Variants in SLC8A2 observed in about 807,000 individuals in gnomAD.
The protein encoded by SLC8A2 is solute carrier family 8 member A2.
A neutral mutation model predicts 70.2 loss-of-function variants in SLC8A2; 14 were observed. The observed-to-expected ratio is 0.20, with a 90% confidence interval of 0.13 to 0.31. The LOEUF (loss-of-function observed/expected upper bound fraction) is 0.31. SLC8A2 is among the 10% of genes least tolerant of loss of function. SLC8A2 has a pLI of 1.00. For synonymous variants in SLC8A2, 575 were observed against 594.3 expected (o/e 0.97, Z 0.47); for missense variants, 779 against 1,320.1 (o/e 0.59, Z 6.35).
chr19:47,434,973 C>T (rs981248214), intron 8 of SLC8A2, among the ~76,000 whole-genome samples: 5 of 152,136 alleles, frequency 3.3e-5, no homozygotes, highest in East Asian at 1.9e-4. Flanking sequence ...CTTTGGGAGG[C>T]GGATGTGGGC....
intron 3 of SLC8A2, among the ~76,000 whole-genome samples, chr19:47,454,788 C>T (rs1967283664): frequency 6.6e-6 from 1 of 152,076 alleles, no homozygotes; most frequent in Non-Finnish European, 1.5e-5. Context: ...AACTCAAGAT[C>T]GATGAAACAG....
intron 4 of SLC8A2, among the ~76,000 whole-genome samples, chr19:47,442,967 G>C (rs1383952150): frequency 6.6e-6 from 1 of 152,190 alleles, no homozygotes; most frequent in Admixed American, 6.5e-5. Context: ...ACAGATGTGA[G>C]CCATGGCACC....
intron 6 of SLC8A2, among the ~76,000 whole-genome samples, chr19:47,439,748 C>G (rs1007303132): frequency 6.6e-6 from 1 of 151,890 alleles, no homozygotes; most frequent in African/African-American, 2.4e-5. Flanking sequence ...ACTGCAACCT[C>G]CACTTTCCAG....
intron 1 of SLC8A2, among the ~76,000 whole-genome samples, chr19:47,467,357 G>A (rs561571631): frequency 3.3e-5 from 5 of 152,298 alleles, no homozygotes; most frequent in Non-Finnish European, 5.9e-5. Flanking sequence ...TCTCCAACTC[G>A]GCCCTTTGAA....
In SLC8A2 at chr19:47,430,508, C is replaced by T. The variant is rs1461225944; in HGVS notation, c.2390-43G>A. The T allele has an allele frequency of 6.5e-7, 1 of 1,530,428 alleles. No homozygotes were observed. Among genetic ancestry groups the T allele is most frequent in the Non-Finnish European group, 8.7e-7 (1 of 1,142,966 alleles). The allele number at this position is 1,530,428 out of a possible 1,614,324, so 94.8% of individuals were successfully genotyped here. A position where few individuals can be genotyped will look rare whatever the true frequency, so the allele number is the denominator to read the frequency against. On this transcript the variant is annotated intron_variant, in intron 9 of 9. Transcript: ENST00000236877. The surrounding 1 kb of genome is among the most constrained non-coding windows in gnomAD (Gnocchi z 5.9). Reference sequence around the variant, plus strand: ...ACAGGTCGGAGGGGCTTTGCGCCGCCACCCACAGGGGCGGGCATCCGCCTG... The same window carrying T: ...ACAGGTCGGAGGGGCTTTGCGCCGCTACCCACAGGGGCGGGCATCCGCCTG...
chr19:47,469,520 C>A (rs1437054755), intron 1 of SLC8A2, among the ~76,000 whole-genome samples: 1 of 152,218 alleles, frequency 6.6e-6, no homozygotes, highest in Non-Finnish European at 1.5e-5. Flanking sequence ...CATGTCCACC[C>A]TCCTAGCCCA....
chr19:47,467,579 C>A (rs1175477034), intron 1 of SLC8A2, among the ~76,000 whole-genome samples: 1 of 152,030 alleles, frequency 6.6e-6, no homozygotes, highest in African/African-American at 2.4e-5. Context: ...CATCTAAGAC[C>A]CTGTGCTGGG....
Position 47,468,381 on chromosome 19 carries a change from C to T in SLC8A2, c.-16-1962G>A, listed in dbSNP as rs1239889518. ...GTGCCATCACATCTCACTGCAGCCT[C>T]GACCTCCAGGGCTCAAGCGACCCTC... On this transcript the variant is annotated intron_variant, in intron 1 of 9. Transcript: ENST00000236877. The surrounding 1 kb of genome is among the most constrained non-coding windows in gnomAD (Gnocchi z 5.1). Among the ~76,000 whole-genome samples, 3 of 152,190 alleles carry T rather than the reference C, an allele frequency of 2.0e-5. No homozygotes were observed. Among genetic ancestry groups the T allele is most frequent in the Non-Finnish European group, 2.9e-5 (2 of 68,022 alleles).
In SLC8A2 at chr19:47,460,368, A is replaced by G. The variant is rs530155512; in HGVS notation, c.676-2774T>C. ...TGCATTCCTAGTGCACAGCATTCTC[A>G]GTTTCTGACACATGGAAAAGACTCA... On this transcript the variant is annotated intron_variant, in intron 2 of 9. Coordinates refer to ENST00000236877, the MANE Select transcript of SLC8A2 (RefSeq NM_015063.3). Among the ~76,000 whole-genome samples the G allele has an allele frequency of 5.9e-5, 9 of 152,322 alleles. No individual in the cohort carries two copies. In the East Asian group the frequency reaches 1.5e-3, roughly 26 times the overall value.
intron 3 of SLC8A2, among the ~76,000 whole-genome samples, chr19:47,451,103 G>T (rs1967229672): frequency 6.6e-6 from 1 of 150,688 alleles, no homozygotes; most frequent in Non-Finnish European, 1.5e-5. Context: ...CCGCCTCTTG[G>T]GTTCAGGCGA....
At chr19:47,446,244 G>A (rs1256777042) in intron 4 of SLC8A2, among the ~76,000 whole-genome samples, 1 of 151,164 alleles carries the variant, frequency 6.6e-6, no homozygotes, top group Non-Finnish European at 1.5e-5. Context: ...GGGCGGAAGA[G>A]AGCGGGCAGA....
chr19:47,437,559 G>A lies in SLC8A2; in HGVS notation c.2013C>T (p.Asn671=), dbSNP rs558246566. The A allele has an allele frequency of 4.7e-5, 75 of 1,610,686 alleles. No homozygotes were observed. In the Middle Eastern group the frequency reaches 6.6e-4, roughly 14 times the overall value. ...TTTTCTTGATGAGTTTATCCACCGT[G>A]TTCTGGGGATGAGAGGGTGGGGGAG... ...VIIEESYDFK[N]TVDKLIKKTN... is the part of the protein sequence containing the mutation. Residue 671 remains asparagine, a splice_region_variant and synonymous_variant, in exon 8 of 10, where the codon AAC becomes AAT. Coordinates refer to ENST00000236877, the MANE Select transcript of SLC8A2 (RefSeq NM_015063.3).
chr19:47,457,153 C>T lies in SLC8A2; in HGVS notation c.1117G>A (p.Ala373Thr), dbSNP rs774834275. ...GGCGCCGCCCTGCGCGAGGCGTCCG[C>T]CGCGTGTCTGCGCAGCACGTTCCCG... ...GAGNVLRRHA[A>T]DASRRAAPAE... is the part of the protein sequence containing the mutation. The change falls in exon 3 of 10, where the codon GCG becomes ACG. Residue 373 changes from alanine to threonine, a missense_variant. Physicochemically the swap from Ala to Thr is moderately conservative, Grantham distance 58. Around this residue, in one of 6 missense-constraint regions of SLC8A2, gnomAD observed 186 missense variants for 246.6 expected, o/e 0.75. Transcript: ENST00000236877. The T allele has an allele frequency of 9.7e-6, 15 of 1,543,048 alleles. 1 individual carries two copies. The South Asian group carries it at 1.6e-4, about 16-fold the overall frequency.
chr19:47,435,736 C>T (rs985333872), intron 8 of SLC8A2, among the ~76,000 whole-genome samples: 8 of 151,802 alleles, frequency 5.3e-5, no homozygotes, highest in Non-Finnish European at 8.8e-5. Flanking sequence ...TTAGTAGAGA[C>T]GGGGTTTCTC....
intron 3 of SLC8A2, among the ~76,000 whole-genome samples, chr19:47,452,374 C>T (rs915080421): frequency 2.7e-4 from 36 of 133,670 alleles, no homozygotes; most frequent in African/African-American, 1.0e-3. Flanking sequence ...GTTACCATGC[C>T]CAGCTTATAT....
intron 9 of SLC8A2, among the ~76,000 whole-genome samples, chr19:47,431,388 C>T (rs556234818): frequency 3.9e-5 from 6 of 151,900 alleles, no homozygotes; most frequent in African/African-American, 9.6e-5. Context: ...TGGTGGCTCA[C>T]GCCTGTAATC....
At chr19:47,437,679 C>T (rs1356676398) in intron 7 of SLC8A2, 118 bp from the exon 8 acceptor site, 1 of 1,152,302 alleles carries the variant, frequency 8.7e-7, no homozygotes. Context: ...CTTTCCACAC[C>T]CCCGTTCTGA....
chr19:47,439,138 C>T (rs1802474733), intron 6 of SLC8A2, among the ~76,000 whole-genome samples: 2 of 152,192 alleles, frequency 1.3e-5, no homozygotes, highest in South Asian at 4.1e-4. Context: ...CAAACCCAGC[C>T]ACAATGCCAA....
Position 47,448,311 on chromosome 19 carries a change from G to C in SLC8A2, c.1341-80C>G. 1 of 1,113,058 alleles carries C rather than the reference G, an allele frequency of 9.0e-7. No individual in the cohort carries two copies. Among genetic ancestry groups the C allele is most frequent in the South Asian group, 1.5e-5 (1 of 68,228 alleles). The allele number at this position is 1,113,058 out of a possible 1,614,324, so 68.9% of individuals were successfully genotyped here. Reference sequence around the variant, plus strand: ...TGTTGTACGGGGGGAGTCTGGACGTGCTTCCCAGAGGAGACGTAGGTGCCA... The same window carrying C: ...TGTTGTACGGGGGGAGTCTGGACGTCCTTCCCAGAGGAGACGTAGGTGCCA... On this transcript the variant is annotated intron_variant, in intron 3 of 9. Coordinates refer to ENST00000236877, the MANE Select transcript of SLC8A2 (RefSeq NM_015063.3). The surrounding 1 kb of genome is among the most constrained non-coding windows in gnomAD (Gnocchi z 4.8).
Sources: gnomAD v4.1 joint callset for allele counts (sites outside exome capture counted in the v4.1 genomes callset) on GRCh38, gnomAD v4.1.1 for gene constraint, gnomAD v4.1.1 regional missense constraint, Gnocchi (gnomAD v3.1) non-coding constraint, MANE v1.5 for transcripts, NCBI Gene and HGNC (gene_info 2026-07-23, HGNC 2026-07-21) for gene names.